TDRD9: variants seen among roughly 807,000 people sequenced by gnomAD.
TDRD9 encodes ATP-dependent RNA helicase TDRD9.
Under a neutral mutation model 172.6 loss-of-function variants are expected in TDRD9, and 124 were observed. The observed-to-expected ratio is 0.72, with a 90% CI of 0.62 to 0.83. The LOEUF (loss-of-function observed/expected upper bound fraction) is 0.83, where lower values mean the gene tolerates loss of function less well. Ranked by LOEUF, TDRD9 falls within the 40% of genes least tolerant of loss-of-function variation. TDRD9 has a pLI of 0.00. For missense variants in TDRD9, 1,479 were observed against 1,714.1 expected (o/e 0.86, Z 2.42); for synonymous variants, 619 against 617.1 (o/e 1.00, Z -0.05).
Position 104,052,192 on chromosome 14 carries a change from C to G in TDRD9, c.*110C>G, listed in dbSNP as rs765926465. On this transcript the variant is annotated 3_prime_UTR_variant, in exon 36 of 36. Transcript: ENST00000409874. ...CTGTGTCTGGGTGTTACAGTCTGTG[C>G]CCACTGCATCCTAAAGGCCTTTTCT... is the stretch of plus-strand genomic sequence containing the variant. 4 of 652,632 alleles carry G rather than the reference C, an allele frequency of 6.1e-6. No homozygotes were observed. The highest frequency in any genetic ancestry group is 7.9e-6 in the Non-Finnish European group (3 of 380,592). The allele number at this position is 652,632 out of a possible 1,614,324, so 40.4% of individuals were successfully genotyped here.
At chr14:103,975,581 T>C (rs1167385753) in intron 7 of TDRD9, 28 bp downstream of exon 7, 5 of 1,569,116 alleles carry the variant, frequency 3.2e-6, no homozygotes, top group Non-Finnish European at 2.6e-6. Context: ...GTTTCTTTTA[T>C]AGTGAGCGTA....
chr14:104,037,148 T>A (rs540123347), intron 32 of TDRD9, among the ~76,000 whole-genome samples: 1 of 152,294 alleles, frequency 6.6e-6, no homozygotes, highest in South Asian at 2.1e-4. Flanking sequence ...ATATGCAGTC[T>A]TCTGCAGCGA....
chr14:104,045,832 G>A (rs2140931002), intron 34 of TDRD9, among the ~76,000 whole-genome samples: 1 of 152,336 alleles, frequency 6.6e-6, no homozygotes, highest in Middle Eastern at 3.4e-3. Context: ...AGAAGGCCCT[G>A]GCCAGGTGCT....
At chr14:104,042,914 T>A (rs1165595450) in intron 34 of TDRD9, among the ~76,000 whole-genome samples, 1 of 152,190 alleles carries the variant, frequency 6.6e-6, no homozygotes, top group Non-Finnish European at 1.5e-5. Context: ...TGGTTTCTTT[T>A]AGTTTAATAA....
chr14:103,977,721 T>G (rs575363384), intron 7 of TDRD9, among the ~76,000 whole-genome samples: 10 of 151,396 alleles, frequency 6.6e-5, no homozygotes, highest in African/African-American at 2.4e-4. Flanking sequence ...GCTTTTGAGG[T>G]CTTAGCCATC....
At chr14:104,002,123 C>T (rs1344470700) in intron 13 of TDRD9, among the ~76,000 whole-genome samples, 3 of 151,144 alleles carry the variant, frequency 2.0e-5, no homozygotes, top group African/African-American at 7.3e-5. Context: ...AGTTTGAGAT[C>T]AGCTTGGGCA....
intron 23 of TDRD9, among the ~76,000 whole-genome samples, chr14:104,018,498 G>A (rs1463169782): frequency 6.6e-6 from 1 of 152,180 alleles, no homozygotes; most frequent in African/African-American, 2.4e-5. Flanking sequence ...TCACTTTCAC[G>A]CACTGGTCTG....
At chr14:103,989,918 G>T (rs1286876376) in intron 8 of TDRD9, among the ~76,000 whole-genome samples, 1 of 152,224 alleles carries the variant, frequency 6.6e-6, no homozygotes, top group Non-Finnish European at 1.5e-5. Flanking sequence ...CTGCCTTATG[G>T]GCATTTCTTG....
At chr14:103,949,906 C>T (rs528294083) in intron 1 of TDRD9, among the ~76,000 whole-genome samples, 4 of 151,982 alleles carry the variant, frequency 2.6e-5, no homozygotes, top group Admixed American at 2.6e-4. Flanking sequence ...GAACTCCCGA[C>T]CTCAGGTGAT....
At chr14:103,954,991 A>T (rs2032125937) in intron 1 of TDRD9, among the ~76,000 whole-genome samples, 1 of 151,608 alleles carries the variant, frequency 6.6e-6, no homozygotes, top group Admixed American at 6.6e-5. Flanking sequence ...CAGTGGCATA[A>T]TCTTGGCTCA....
chr14:103,964,107 A>G (rs1382947162), intron 3 of TDRD9, among the ~76,000 whole-genome samples: 1 of 152,130 alleles, frequency 6.6e-6, no homozygotes, highest in Non-Finnish European at 1.5e-5. Context: ...TTAGTGGAAT[A>G]TGGTGGCACG....
chr14:104,051,925 A>G (rs2035945797), intron 35 of TDRD9, 56 bp from the exon 36 acceptor site: 1 of 1,143,552 alleles, frequency 8.7e-7, no homozygotes, highest in South Asian at 1.3e-5. Context: ...TGTGTATTTT[A>G]TGTCTGGAAA....
intron 7 of TDRD9, among the ~76,000 whole-genome samples, chr14:103,985,938 C>T (rs75900934): frequency 0.018 from 2,682 of 152,280 alleles, 47 homozygotes; most frequent in Middle Eastern, 0.044. Flanking sequence ...GACATCCTGC[C>T]AAACACACTG....
At chr14:104,048,502 A>C (rs2035846319) in intron 34 of TDRD9, among the ~76,000 whole-genome samples, 1 of 152,158 alleles carries the variant, frequency 6.6e-6, no homozygotes, top group Admixed American at 6.5e-5. Context: ...GCCAGTGATC[A>C]ATCAAAAGTT....
Position 104,006,475 on chromosome 14 carries a change from A to C in TDRD9, c.1800A>C (p.Gln600His), listed in dbSNP as rs754233884. The change falls in exon 16 of 36, where the codon CAA becomes CAC. Residue 600 changes from glutamine to histidine, a missense_variant. Transcript: ENST00000409874. ...ELTFLGRVLAQLPVNQQLGKL... is the reference protein window; with the variant it reads ...ELTFLGRVLAHLPVNQQLGKL... ...CCTTCTTAGGAAGAGTTTTAGCCCA[A>C]CTTCCTGTAAATCAGCAACTTGGTA... The C allele has an allele frequency of 6.2e-7, 1 of 1,613,802 alleles. No homozygotes were observed. Among genetic ancestry groups the C allele is most frequent in the Admixed American group, 1.7e-5 (1 of 60,022 alleles).
At position 103,960,935 on chromosome 14, in the gene TDRD9, G is replaced by A. The variant is rs74375444; in HGVS notation, c.323-2144G>A. ...AACGAACGTGGCTGCAGCCTTTTTC[G>A]TCTTTCTAAAAGAATCTTTGTCACC... On this transcript the variant is annotated intron_variant, in intron 2 of 35. Transcript: ENST00000409874. Among the ~76,000 whole-genome samples the A allele has an allele frequency of 9.3e-4, 142 of 152,266 alleles. 3 individuals are homozygous for A. The East Asian group carries it at 0.024, about 25-fold the overall frequency.
intron 13 of TDRD9, among the ~76,000 whole-genome samples, chr14:104,000,768 G>C (rs993999867): frequency 6.6e-6 from 1 of 152,132 alleles, no homozygotes; most frequent in African/African-American, 2.4e-5. Context: ...CTGGGCAACA[G>C]AGCAAGACTG....
At chr14:103,930,392 G>T (rs1383235026) in intron 1 of TDRD9, among the ~76,000 whole-genome samples, 1 of 152,142 alleles carries the variant, frequency 6.6e-6, no homozygotes, top group African/African-American at 2.4e-5. Context: ...TCACCTTGTT[G>T]GCCAGGTCGG....
chr14:103,934,876 G>T lies in TDRD9; in HGVS notation c.215+6152G>T, dbSNP rs146436496. On this transcript the variant is annotated intron_variant, in intron 1 of 35. Coordinates refer to ENST00000409874, the MANE Select transcript of TDRD9 (RefSeq NM_153046.3). ...TGTGTCAACTTGGCTGGGTGACAGT[G>T]CCCAGATATTTGGTCAGACACTACT... 5.9e-5 allele frequency among the ~76,000 whole-genome samples: 9 copies of T among 152,334 alleles called. No homozygotes were observed. The East Asian group carries it at 1.7e-3, about 29-fold the overall frequency.
Sources: allele counts gnomAD v4.1 joint callset (sites outside exome capture counted in the v4.1 genomes callset), GRCh38; gene constraint gnomAD v4.1.1; transcripts MANE v1.5; gene names NCBI Gene and HGNC (gene_info 2026-07-23, HGNC 2026-07-21).